Variants in HCN1 observed in about 807,000 individuals in gnomAD.
HCN1 encodes hyperpolarization activated cyclic nucleotide gated potassium channel 1.
In HCN1, 13 loss-of-function variants were observed where a neutral mutation model predicts 78.9. That is an observed-to-expected ratio of 0.16 (90% CI 0.11 to 0.26). HCN1 has a LOEUF of 0.26. HCN1 is among the 10% of genes least tolerant of loss of function. HCN1 has a pLI of 1.00. For synonymous variants in HCN1, 552 were observed against 455.5 expected (o/e 1.21, Z -2.70); for missense variants, 810 against 1,154.3 (o/e 0.70, Z 4.32).
chr5:45,461,170 CCT>C (rs1554026480), intron 3 of HCN1, among the ~76,000 whole-genome samples: 1 of 151,426 alleles, frequency 6.6e-6, no homozygotes, highest in Non-Finnish European at 1.5e-5. Flanking sequence ...CAAAATATTC[CCT>C]GTTCTTTTAA....
At chr5:45,435,338 C>T (rs946544335) in intron 3 of HCN1, among the ~76,000 whole-genome samples, 1 of 151,978 alleles carries the variant, frequency 6.6e-6, no homozygotes, top group African/African-American at 2.4e-5. Flanking sequence ...ATGCATATTT[C>T]ACTTTAAAAT....
intron 5 of HCN1, among the ~76,000 whole-genome samples, chr5:45,346,885 C>G (rs1162059192): frequency 1.3e-5 from 2 of 152,230 alleles, no homozygotes; most frequent in East Asian, 1.9e-4. Context: ...GTGGAGCCCA[C>G]CACAGCTCAA....
At chr5:45,327,437 C>A (rs887282115) in intron 5 of HCN1, among the ~76,000 whole-genome samples, 2 of 151,552 alleles carry the variant, frequency 1.3e-5, no homozygotes, top group Non-Finnish European at 3.0e-5. Context: ...AACAAATCAG[C>A]AACAGACACA....
intron 5 of HCN1, among the ~76,000 whole-genome samples, chr5:45,334,398 T>C (rs189309092): frequency 6.6e-6 from 1 of 151,978 alleles, no homozygotes; most frequent in Admixed American, 6.6e-5. Context: ...CTTTTCAGTC[T>C]ATTCCAGGCC....
intron 2 of HCN1, among the ~76,000 whole-genome samples, chr5:45,552,751 A>G (rs1412636233): frequency 6.6e-6 from 1 of 151,956 alleles, no homozygotes; most frequent in Non-Finnish European, 1.5e-5. Flanking sequence ...GAGGGTCATT[A>G]CAAATTTTTG....
At chr5:45,499,629 A>G (rs1008245266) in intron 2 of HCN1, among the ~76,000 whole-genome samples, 9 of 152,112 alleles carry the variant, frequency 5.9e-5, no homozygotes, top group African/African-American at 1.9e-4. Flanking sequence ...GTTTTGATTC[A>G]ATATATTACT....
chr5:45,619,717 G>A (rs1378024128), intron 2 of HCN1, among the ~76,000 whole-genome samples: 1 of 152,082 alleles, frequency 6.6e-6, no homozygotes, highest in Non-Finnish European at 1.5e-5. Flanking sequence ...GTTAAAATTA[G>A]TGGACTAAAC....
At chr5:45,374,019 T>G (rs1188215764) in intron 4 of HCN1, among the ~76,000 whole-genome samples, 2 of 105,196 alleles carry the variant, frequency 1.9e-5, no homozygotes, top group Admixed American at 2.6e-4. Flanking sequence ...ATAATATATA[T>G]TATATATATT....
intron 6 of HCN1, among the ~76,000 whole-genome samples, chr5:45,301,720 T>C (rs1194855537): frequency 7.6e-6 from 1 of 131,648 alleles, no homozygotes; most frequent in African/African-American, 3.1e-5. Context: ...TACCCTGTCA[T>C]TTAAAAAAAA....
At chr5:45,441,384 A>AGAAG (rs1246165390) in intron 3 of HCN1, among the ~76,000 whole-genome samples, 2 of 140,016 alleles carry the variant, frequency 1.4e-5, no homozygotes, top group African/African-American at 5.2e-5. Flanking sequence ...AAGGAGCGAG[A>AGAAG]GAAGGAAGGA....
chr5:45,513,757 G>A (rs1436000749), intron 2 of HCN1, among the ~76,000 whole-genome samples: 1 of 152,118 alleles, frequency 6.6e-6, no homozygotes, highest in Non-Finnish European at 1.5e-5. Context: ...CCCTGACTGT[G>A]GAAAAATTGT....
intron 6 of HCN1, among the ~76,000 whole-genome samples, chr5:45,299,842 C>G (rs910892006): frequency 6.6e-6 from 1 of 151,968 alleles, no homozygotes; most frequent in East Asian, 1.9e-4. Flanking sequence ...CCAAAGTCAT[C>G]TAGGGGATCA....
At chr5:45,476,235 A>C (rs1355501286) in intron 2 of HCN1, among the ~76,000 whole-genome samples, 1 of 152,100 alleles carries the variant, frequency 6.6e-6, no homozygotes, top group African/African-American at 2.4e-5. Flanking sequence ...GCAAACTGGT[A>C]AGAGAGCCCT....
intron 5 of HCN1, among the ~76,000 whole-genome samples, chr5:45,350,404 C>T (rs1746866293): frequency 6.6e-6 from 1 of 152,060 alleles, no homozygotes; most frequent in African/African-American, 2.4e-5. Flanking sequence ...TATGACAAAC[C>T]CACAGCCAAT....
chr5:45,290,549 C>A (rs531303707), intron 6 of HCN1, among the ~76,000 whole-genome samples: 2 of 151,944 alleles, frequency 1.3e-5, no homozygotes, highest in East Asian at 1.9e-4. Context: ...AAATAAGACA[C>A]TTTTGTGTTT....
At chr5:45,587,904 T>C (rs941326238) in intron 2 of HCN1, among the ~76,000 whole-genome samples, 5 of 152,106 alleles carry the variant, frequency 3.3e-5, no homozygotes, top group Admixed American at 2.6e-4. Context: ...CCCTTATTAA[T>C]GAGGTCACAG....
At chr5:45,311,863 T>C (rs1745858030) in intron 5 of HCN1, among the ~76,000 whole-genome samples, 1 of 152,224 alleles carries the variant, frequency 6.6e-6, no homozygotes. Context: ...TCAAAGTTCA[T>C]CAACAGCTTT....
intron 2 of HCN1, among the ~76,000 whole-genome samples, chr5:45,588,349 C>T (rs1373700521): frequency 1.3e-5 from 2 of 152,164 alleles, no homozygotes; most frequent in Non-Finnish European, 1.5e-5. Context: ...GCATTGGCCA[C>T]TCGAATACTG....
At chr5:45,566,021 A>G (rs1019884474) in intron 2 of HCN1, among the ~76,000 whole-genome samples, 3 of 152,176 alleles carry the variant, frequency 2.0e-5, no homozygotes, top group Admixed American at 6.6e-5. Context: ...CAAAATCTGA[A>G]TACTGCTAAT....
Sources: allele counts gnomAD v4.1 joint callset (sites outside exome capture counted in the v4.1 genomes callset), GRCh38; gene constraint gnomAD v4.1.1; transcripts MANE v1.5; gene names NCBI Gene and HGNC (gene_info 2026-07-23, HGNC 2026-07-21).